Variants in PITPNC1 observed in about 807,000 individuals in gnomAD.
PITPNC1 encodes cytoplasmic phosphatidylinositol transfer protein 1.
Under a neutral mutation model 44.7 loss-of-function variants are expected in PITPNC1, and 18 were observed. The observed-to-expected ratio is 0.40, with a 90% CI of 0.28 to 0.60. The LOEUF (loss-of-function observed/expected upper bound fraction) is 0.60, where lower values mean the gene tolerates loss of function less well. Among genes scored for constraint, PITPNC1 ranks in the 20% least tolerant of loss-of-function variants. The pLI, the probability that PITPNC1 is intolerant of heterozygous loss-of-function variation, is 0.39. For synonymous variants in PITPNC1, 141 were observed against 149.6 expected (o/e 0.94, Z 0.42); for missense variants, 290 against 418.4 (o/e 0.69, Z 2.68).
At position 67,694,995 on chromosome 17, in the gene PITPNC1, T is replaced by G. The variant is rs2042987228; in HGVS notation, c.*2107T>G. 1 of 152,238 alleles carries G rather than the reference T, an allele frequency of 6.6e-6. No individual in the cohort carries two copies. Among genetic ancestry groups the G allele is most frequent in the African/African-American group, 2.4e-5 (1 of 41,472 alleles). The allele number at this position is 152,238 out of a possible 1,614,324, so 9.4% of individuals were successfully genotyped here. A position where few individuals can be genotyped will look rare whatever the true frequency, so the allele number is the denominator to read the frequency against. On this transcript the variant is annotated 3_prime_UTR_variant, in exon 9 of 9. Coordinates refer to ENST00000581322, the MANE Select transcript of PITPNC1 (RefSeq NM_012417.4). ...GCTGTTAAACACATCTGGCACCTAG[T>G]TTTTCCATTAAGAGCATTGCTATTT...
At chr17:67,606,712 A>G (rs1457669114) in intron 5 of PITPNC1, among the ~76,000 whole-genome samples, 2 of 152,242 alleles carry the variant, frequency 1.3e-5, no homozygotes, top group East Asian at 1.9e-4. Context: ...CAGCGAGGAA[A>G]GATTAGCATC....
intron 1 of PITPNC1, among the ~76,000 whole-genome samples, chr17:67,380,073 C>T (rs1462580972): frequency 6.7e-6 from 1 of 148,344 alleles, no homozygotes; most frequent in African/African-American, 2.5e-5. Context: ...TTTGTCTTTT[C>T]TTTTCTTTTT....
intron 8 of PITPNC1, among the ~76,000 whole-genome samples, chr17:67,691,999 A>AT (rs1295786127): frequency 2.6e-5 from 4 of 151,536 alleles, no homozygotes; most frequent in Admixed American, 2.6e-4. Flanking sequence ...ATGCAGTGAG[A>AT]TCCCGTCTCA....
chr17:67,660,344 G>A (rs747988459), intron 6 of PITPNC1, among the ~76,000 whole-genome samples: 1 of 152,042 alleles, frequency 6.6e-6, no homozygotes, highest in Non-Finnish European at 1.5e-5. Flanking sequence ...ATTCCGGGGT[G>A]CTATGGAAAA....
At chr17:67,515,848 G>A (rs1022248197) in intron 1 of PITPNC1, among the ~76,000 whole-genome samples, 3 of 152,186 alleles carry the variant, frequency 2.0e-5, no homozygotes, top group African/African-American at 4.8e-5. Context: ...TCCTTTTCAT[G>A]AAATAACTGT....
intron 1 of PITPNC1, among the ~76,000 whole-genome samples, chr17:67,380,224 G>A (rs538016043): frequency 2.6e-5 from 4 of 152,142 alleles, no homozygotes; most frequent in South Asian, 4.1e-4. Flanking sequence ...ACAGGTGCCT[G>A]CCACCACGTC....
chr17:67,483,066 AGCCTCCTGAT>A, intron 1 of PITPNC1, among the ~76,000 whole-genome samples: 1 of 152,318 alleles, frequency 6.6e-6, no homozygotes, highest in South Asian at 2.1e-4. Context: ...CTCCTTTCAC[AGCCTCCTGAT>A]CTGCAGGAGT....
chr17:67,465,481 G>A (rs2039412540), intron 1 of PITPNC1, among the ~76,000 whole-genome samples: 1 of 152,146 alleles, frequency 6.6e-6, no homozygotes, highest in African/African-American at 2.4e-5. Context: ...AGTGCTCCGG[G>A]AGATTTCACA....
At chr17:67,529,143 T>A (rs1169146770) in intron 1 of PITPNC1, among the ~76,000 whole-genome samples, 1 of 152,118 alleles carries the variant, frequency 6.6e-6, no homozygotes, top group Admixed American at 6.5e-5. Flanking sequence ...GCCACTGGAA[T>A]GATCAATGAG....
At chr17:67,585,093 G>A (rs1471273577) in intron 5 of PITPNC1, among the ~76,000 whole-genome samples, 1 of 136,592 alleles carries the variant, frequency 7.3e-6, no homozygotes. Context: ...TCCAGACTGA[G>A]CAACAAGAGT....
chr17:67,409,751 T>C (rs1017966575), intron 1 of PITPNC1, among the ~76,000 whole-genome samples: 1 of 152,056 alleles, frequency 6.6e-6, no homozygotes, highest in Non-Finnish European at 1.5e-5. Context: ...TTGTCCAGGC[T>C]GGTCTCAAAC....
At chr17:67,619,034 G>A (rs1022434389) in intron 5 of PITPNC1, among the ~76,000 whole-genome samples, 1 of 151,848 alleles carries the variant, frequency 6.6e-6, no homozygotes, top group Non-Finnish European at 1.5e-5. Flanking sequence ...ACTCCAGCCT[G>A]GGCGACAGAG....
At chr17:67,504,118 C>CTTCT (rs2040070986) in intron 1 of PITPNC1, among the ~76,000 whole-genome samples, 1 of 152,106 alleles carries the variant, frequency 6.6e-6, no homozygotes, top group Admixed American at 6.5e-5. Context: ...GACCCTGAGG[C>CTTCT]TTCTGCCTCA....
intron 1 of PITPNC1, among the ~76,000 whole-genome samples, chr17:67,515,927 A>AT (rs2040252997): frequency 6.6e-6 from 1 of 152,200 alleles, no homozygotes; most frequent in African/African-American, 2.4e-5. Flanking sequence ...AGGTGGACTA[A>AT]TTAATTGTAA....
At chr17:67,523,221 A>C (rs964289495) in intron 1 of PITPNC1, among the ~76,000 whole-genome samples, 1 of 152,202 alleles carries the variant, frequency 6.6e-6, no homozygotes, top group African/African-American at 2.4e-5. Context: ...ACTTATGGGA[A>C]GTAGTCAATC....
chr17:67,502,744 CATTGTATTGTATTGTATTGT>C lies in PITPNC1; in HGVS notation c.49-30014_49-29995del, dbSNP rs71139151. ...GAAGTAAGATTATTGCATTGCATTG[CATTGTATTGTATTGTATTGT>C]ATTGTATTGTATTGTATTGTATTGT... On this transcript the variant is annotated intron_variant, in intron 1 of 8. Transcript: ENST00000581322. Among the ~76,000 whole-genome samples the C allele has an allele frequency of 5.7e-3, 790 of 137,906 alleles. 3 individuals carry two copies. The highest frequency in any genetic ancestry group is 0.018 in the South Asian group (74 of 4,210). The allele number at this position is 137,906 out of a possible 152,430, so 90.5% of individuals were successfully genotyped here.
intron 5 of PITPNC1, among the ~76,000 whole-genome samples, chr17:67,605,359 C>A (rs2041594994): frequency 6.6e-6 from 1 of 152,176 alleles, no homozygotes; most frequent in African/African-American, 2.4e-5. Flanking sequence ...GAACCGTTTA[C>A]GGATTTTCCA....
chr17:67,601,206 AT>A (rs995931024), intron 5 of PITPNC1, among the ~76,000 whole-genome samples: 3 of 151,678 alleles, frequency 2.0e-5, no homozygotes, highest in South Asian at 2.1e-4. Flanking sequence ...ATTATCAAAG[AT>A]TTTTTTTTAA....
chr17:67,470,491 T>C (rs1214158042), intron 1 of PITPNC1, among the ~76,000 whole-genome samples: 1 of 152,244 alleles, frequency 6.6e-6, no homozygotes, highest in African/African-American at 2.4e-5. Flanking sequence ...GATGCAGTCA[T>C]ACAGATGTAG....
Sources: allele counts gnomAD v4.1 joint callset (sites outside exome capture counted in the v4.1 genomes callset), GRCh38; gene constraint gnomAD v4.1.1; transcripts MANE v1.5; gene names NCBI Gene and HGNC (gene_info 2026-07-23, HGNC 2026-07-21).